DAB1: variants seen among roughly 807,000 people sequenced by gnomAD.
DAB1 encodes the protein DAB adaptor protein 1, also known as disabled homolog 1.
A neutral mutation model predicts 64.6 loss-of-function variants in DAB1; 15 were observed. That is an observed-to-expected ratio of 0.23 (90% CI 0.16 to 0.36). The LOEUF (loss-of-function observed/expected upper bound fraction) is 0.36. DAB1 is among the 10% of genes least tolerant of loss of function. The pLI, the probability that DAB1 is intolerant of heterozygous loss-of-function variation, is 1.00. For synonymous variants in DAB1, 235 were observed against 251.9 expected (o/e 0.93, Z 0.64); for missense variants, 596 against 706.7 (o/e 0.84, Z 1.78).
At chr1:57,954,813 C>T (rs895506244) in intron 5 of DAB1, among the ~76,000 whole-genome samples, 2 of 152,158 alleles carry the variant, frequency 1.3e-5, no homozygotes, top group Non-Finnish European at 2.9e-5. Context: ...TTGTGTAGTG[C>T]TCTGTGGTTT....
chr1:57,989,692 G>GCTACAAAAAAGAT (rs1265439468), intron 5 of DAB1, among the ~76,000 whole-genome samples: 1 of 152,086 alleles, frequency 6.6e-6, no homozygotes, highest in East Asian at 1.9e-4. Context: ...CCAAACATGG[G>GCTACAAAAAAGAT]GCACCAGGGC....
intron 7 of DAB1, among the ~76,000 whole-genome samples, chr1:57,431,137 C>CAAACACA (rs1685492027): frequency 1.7e-5 from 1 of 60,100 alleles, no homozygotes; most frequent in African/African-American, 8.4e-5. Flanking sequence ...TATTTCAGGC[C>CAAACACA]AAAAACAAAA....
intron 1 of DAB1, among the ~76,000 whole-genome samples, chr1:57,871,068 G>A (rs904970609): frequency 1.3e-5 from 2 of 152,160 alleles, no homozygotes; most frequent in Admixed American, 1.3e-4. Context: ...GGCTTTCCTT[G>A]TGAACGAGAT....
chr1:58,520,947 C>A (rs1646252610), intron 2 of DAB1, among the ~76,000 whole-genome samples: 1 of 152,086 alleles, frequency 6.6e-6, no homozygotes, highest in Non-Finnish European at 1.5e-5. Flanking sequence ...ACAAAATTGA[C>A]ACACTTGGCA....
intron 4 of DAB1, among the ~76,000 whole-genome samples, chr1:58,172,728 T>C (rs757326307): frequency 6.6e-6 from 1 of 152,248 alleles, no homozygotes; most frequent in Non-Finnish European, 1.5e-5. Flanking sequence ...GGTTATGCCA[T>C]AGTTAGTGAT....
intron 1 of DAB1, among the ~76,000 whole-genome samples, chr1:57,423,132 A>G (rs1320936777): frequency 1.3e-5 from 2 of 151,526 alleles, no homozygotes; most frequent in Admixed American, 1.3e-4. Context: ...GCCGAACCAC[A>G]GAGATTTAAA....
chr1:57,565,664 A>G (rs1405543027), intron 7 of DAB1, among the ~76,000 whole-genome samples: 1 of 152,216 alleles, frequency 6.6e-6, no homozygotes, highest in Non-Finnish European at 1.5e-5. Context: ...AACAAAGATC[A>G]AAAGAGACAA....
intron 5 of DAB1, among the ~76,000 whole-genome samples, chr1:58,044,980 G>C (rs1647207451): frequency 6.6e-6 from 1 of 152,150 alleles, no homozygotes; most frequent in Non-Finnish European, 1.5e-5. Context: ...GGGATGCTAG[G>C]CTTAGAACTC....
intron 3 of DAB1, among the ~76,000 whole-genome samples, chr1:58,454,404 G>C (rs756129407): frequency 2.0e-5 from 3 of 152,168 alleles, no homozygotes; most frequent in Non-Finnish European, 4.4e-5. Flanking sequence ...AAGGCCCTGG[G>C]TGGGTGAGGT....
intron 2 of DAB1, among the ~76,000 whole-genome samples, chr1:57,153,935 G>T (rs572595016): frequency 6.6e-6 from 1 of 152,238 alleles, no homozygotes; most frequent in East Asian, 1.9e-4. Context: ...CACCACCCCT[G>T]GCCGGTGTAT....
At chr1:57,688,399 A>G (rs1344213816) in intron 6 of DAB1, among the ~76,000 whole-genome samples, 1 of 152,188 alleles carries the variant, frequency 6.6e-6, no homozygotes, top group Non-Finnish European at 1.5e-5. Context: ...GGCTATTATT[A>G]AAAAGTCAAA....
At chr1:58,034,655 T>C (rs1249405908) in intron 5 of DAB1, among the ~76,000 whole-genome samples, 1 of 152,226 alleles carries the variant, frequency 6.6e-6, no homozygotes, top group African/African-American at 2.4e-5. Context: ...TTCTAGGTTA[T>C]AGTTCTAGTA....
At chr1:57,105,605 C>T (rs1224549215) in intron 4 of DAB1, among the ~76,000 whole-genome samples, 3 of 152,072 alleles carry the variant, frequency 2.0e-5, no homozygotes, top group African/African-American at 7.2e-5. Context: ...ATTTTAATAC[C>T]CCACTTTTTT....
intron 4 of DAB1, among the ~76,000 whole-genome samples, chr1:57,094,724 G>A (rs1478081700): frequency 2.0e-5 from 3 of 152,146 alleles, no homozygotes. Context: ...TAGACCCACT[G>A]AAGGATCTTA....
chr1:57,483,834 A>C (rs1008901396), intron 7 of DAB1, among the ~76,000 whole-genome samples: 5 of 152,188 alleles, frequency 3.3e-5, no homozygotes, highest in Non-Finnish European at 5.9e-5. Flanking sequence ...GAAGAGGACT[A>C]TATACCAGGC....
At chr1:58,237,227 G>C (rs1557708675) in intron 4 of DAB1, among the ~76,000 whole-genome samples, 1 of 152,160 alleles carries the variant, frequency 6.6e-6, no homozygotes, top group African/African-American at 2.4e-5. Flanking sequence ...ATTGAATGTA[G>C]TGAAATAAGT....
intron 1 of DAB1, among the ~76,000 whole-genome samples, chr1:57,352,764 G>A (rs1363666489): frequency 6.6e-6 from 1 of 152,110 alleles, no homozygotes; most frequent in South Asian, 2.1e-4. Flanking sequence ...AATTTGGAGG[G>A]TGTTTTTGGA....
At chr1:58,456,892 T>G (rs1011813794) in intron 3 of DAB1, among the ~76,000 whole-genome samples, 1 of 152,148 alleles carries the variant, frequency 6.6e-6, no homozygotes, top group African/African-American at 2.4e-5. Context: ...TTAATATGCA[T>G]GCAGGGTTGA....
intron 3 of DAB1, among the ~76,000 whole-genome samples, chr1:58,458,764 G>C (rs1645215219): frequency 1.3e-5 from 2 of 151,948 alleles, no homozygotes; most frequent in South Asian, 4.2e-4. Context: ...AGATTGAGCT[G>C]AGATTGTGCC....
Sources: allele counts gnomAD v4.1 joint callset (sites outside exome capture counted in the v4.1 genomes callset), GRCh38; gene constraint gnomAD v4.1.1; transcripts MANE v1.5; gene names NCBI Gene and HGNC (gene_info 2026-07-23, HGNC 2026-07-21).